ZC3H13: variants seen among roughly 807,000 people sequenced by gnomAD.
ZC3H13 encodes the protein zinc finger CCCH-type containing 13, also known as zinc finger CCCH domain-containing protein 13.
In ZC3H13, 64 loss-of-function variants were observed where a neutral mutation model predicts 204.1. The observed-to-expected ratio is 0.31, with a 90% CI of 0.26 to 0.39. The LOEUF is 0.39. ZC3H13 is among the 10% of genes least tolerant of loss of function. ZC3H13 has a pLI of 1.00. For synonymous variants in ZC3H13, 667 were observed against 693.7 expected, an observed-to-expected ratio of 0.96 and a Z score of 0.60; for missense variants, 1,833 against 2,082.7, an observed-to-expected ratio of 0.88 and a Z score of 2.33.
At chr13:45,973,611 CCATGTCAGTGTTTAAAAAA>C (rs1198814367) in intron 12 of ZC3H13, among the ~76,000 whole-genome samples, 1 of 152,046 alleles carries the variant, frequency 6.6e-6, no homozygotes, top group Non-Finnish European at 1.5e-5. Context: ...CCTCTGAGTG[CCATGTCAGTGTTTAAAAAA>C]CATTAGATTT....
rs1384738699 is a variant in ZC3H13, at chr13:45,970,424, G to A, written c.2510C>T (p.Ser837Phe). The A allele has an allele frequency of 6.2e-7, 1 of 1,613,956 alleles. No homozygotes were observed. The highest frequency in any genetic ancestry group is 2.2e-5 in the East Asian group (1 of 44,868). The change falls in exon 13 of 19, where the codon TCC becomes TTC. Residue 837 changes from serine (S) to phenylalanine (F), a missense_variant. Physicochemically the swap from Ser to Phe is radical, Grantham distance 155. Transcript: ENST00000679008. ...RNEGSPSPRQ[S>F]PKRRREHSPD... Reference sequence around the variant, plus strand: ...AGAATGTTCACGCCGGCGCTTCGGGGACTGTCTAGGGCTGGGACTCCCTTC... The same window carrying A: ...AGAATGTTCACGCCGGCGCTTCGGGAACTGTCTAGGGCTGGGACTCCCTTC...
intron 10 of ZC3H13, among the ~76,000 whole-genome samples, chr13:45,984,299 A>C (rs1953976829): frequency 6.6e-6 from 1 of 152,204 alleles, no homozygotes; most frequent in Non-Finnish European, 1.5e-5. Context: ...CTGGCAAAAG[A>C]GTGGTCAGGG....
intron 1 of ZC3H13, among the ~76,000 whole-genome samples, chr13:46,046,924 C>T (rs1017848671): frequency 6.6e-6 from 1 of 152,156 alleles, no homozygotes; most frequent in Non-Finnish European, 1.5e-5. Flanking sequence ...AAACACCATA[C>T]TATATCCCGC....
chr13:45,969,288 T>C lies in ZC3H13; in HGVS notation c.3256A>G (p.Thr1086Ala), dbSNP rs112871063. 1 of 1,613,798 alleles carries C rather than the reference T, an allele frequency of 6.2e-7. No homozygotes were observed. Among genetic ancestry groups the C allele is most frequent in the Non-Finnish European group, 8.5e-7 (1 of 1,179,980 alleles). The change falls in exon 14 of 19, where the codon ACC becomes GCC. Residue 1086 changes from threonine (T) to alanine (A), a missense_variant. By Grantham distance (58) the Thr-to-Ala change is moderately conservative. Coordinates refer to ENST00000679008, the MANE Select transcript of ZC3H13 (RefSeq NM_001330564.2). ...TEVTEAEHTA[T>A]ATTPGSTPSP... ...GGGGTACTACCAGGAGTCGTGGCGG[T>C]GGCAGTATGCTCTGCTTCTGTCACC... is the stretch of plus-strand genomic sequence containing the variant.
At position 46,020,419 on chromosome 13, in the gene ZC3H13, C is replaced by A. The variant is rs759457461; in HGVS notation, c.448+30G>T. On this transcript the variant is annotated intron_variant, in intron 5 of 18. Transcript: ENST00000679008. ...TCTAGAAAGTAAATAATCAAGAATTCGCCATTTAAACCAAGATTCTGAAAC... is the reference window on the plus strand; with the variant it reads ...TCTAGAAAGTAAATAATCAAGAATTAGCCATTTAAACCAAGATTCTGAAAC... 6 of 1,533,882 alleles carry A rather than the reference C, an allele frequency of 3.9e-6. No individual in the cohort carries two copies. The Admixed American group carries it at 8.7e-5, about 22-fold the overall frequency.
At chr13:46,028,796 A>G (rs1260689759) in intron 4 of ZC3H13, among the ~76,000 whole-genome samples, 1 of 152,214 alleles carries the variant, frequency 6.6e-6, no homozygotes, top group Non-Finnish European at 1.5e-5. Flanking sequence ...TGTTGGATGC[A>G]GTAAACACTG....
intron 8 of ZC3H13, chr13:46,001,376 G>A (rs2040730992): frequency 1.3e-5 from 2 of 152,084 alleles, no homozygotes; most frequent in Non-Finnish European, 2.9e-5. Flanking sequence ...CCAATGTCTT[G>A]TCACATATGG....
At chr13:45,975,146 C>A in intron 12 of ZC3H13, 137 bp downstream of exon 12, 1 of 1,378,586 alleles carries the variant, frequency 7.3e-7, no homozygotes, top group Non-Finnish European at 9.6e-7. Flanking sequence ...GATACATATA[C>A]TAAATTTGAA....
At chr13:45,973,046 C>A (rs1952715950) in intron 12 of ZC3H13, among the ~76,000 whole-genome samples, 1 of 152,214 alleles carries the variant, frequency 6.6e-6, no homozygotes, top group Admixed American at 6.5e-5. Context: ...ACAGAACAAC[C>A]ACTCTATTGA....
intron 3 of ZC3H13, among the ~76,000 whole-genome samples, chr13:46,044,094 G>A (rs1401025501): frequency 6.6e-6 from 1 of 151,070 alleles, no homozygotes; most frequent in Non-Finnish European, 1.5e-5. Context: ...AAAGAAGTTG[G>A]CTAATGTTGA....
intron 18 of ZC3H13, 149 bp downstream of exon 18, chr13:45,959,334 T>C (rs957534935): frequency 4.2e-6 from 3 of 715,970 alleles, no homozygotes; most frequent in East Asian, 6.4e-5. Flanking sequence ...ATTATACATT[T>C]TAATGGCATT....
chr13:46,052,451 C>T lies in ZC3H13; in HGVS notation c.-57G>A. ...AAGTGCAGTCCGGAGGCACCACCGC[C>T]GCCGCCGCTCCGAGGAGCGGGGGAG... On this transcript the variant is annotated 5_prime_UTR_variant, in exon 1 of 19. Transcript: ENST00000679008. 2.5e-6 allele frequency: 1 copy of T among 398,226 alleles called. No homozygotes were observed. The highest frequency in any genetic ancestry group is 4.4e-6 in the Non-Finnish European group (1 of 226,014). The allele number at this position is 398,226 out of a possible 1,614,324, so 24.7% of individuals were successfully genotyped here.
At chr13:45,988,151 CAA>C (rs1258034079) in intron 9 of ZC3H13, among the ~76,000 whole-genome samples, 1 of 152,106 alleles carries the variant, frequency 6.6e-6, no homozygotes, top group Non-Finnish European at 1.5e-5. Context: ...TCCTTGTTTT[CAA>C]AAGACATTAA....
intron 4 of ZC3H13, among the ~76,000 whole-genome samples, chr13:46,036,731 T>C (rs1295369585): frequency 6.6e-6 from 1 of 151,904 alleles, no homozygotes; most frequent in Non-Finnish European, 1.5e-5. Flanking sequence ...TCATTTTTGT[T>C]TTGTTTTGTT....
chr13:45,966,491 TA>T (rs1437333088), intron 15 of ZC3H13, among the ~76,000 whole-genome samples: 16 of 152,134 alleles, frequency 1.1e-4, no homozygotes. Flanking sequence ...CTACTTTGAG[TA>T]AAAACTTTAC....
chr13:46,039,586 C>G (rs1044413184), intron 4 of ZC3H13, among the ~76,000 whole-genome samples: 3 of 152,094 alleles, frequency 2.0e-5, no homozygotes, highest in Non-Finnish European at 4.4e-5. Context: ...ATACTAATAA[C>G]AATTCATCTA....
At chr13:46,001,473 A>T (rs1050186642) in intron 8 of ZC3H13, 1 of 152,218 alleles carries the variant, frequency 6.6e-6, no homozygotes, top group Admixed American at 6.5e-5. Context: ...TAGATGAAAA[A>T]ATAAAAAATA....
At chr13:46,002,984 A>G (rs2040859719) in intron 8 of ZC3H13, among the ~76,000 whole-genome samples, 155 bp downstream of exon 8, 1 of 152,192 alleles carries the variant, frequency 6.6e-6, no homozygotes, top group Non-Finnish European at 1.5e-5. Context: ...CATGACTCAT[A>G]ATAATAATTA....
In ZC3H13 at chr13:46,010,262, A is replaced by G. The variant is rs964047640; in HGVS notation, c.746+86T>C. 1.1e-5 allele frequency: 15 copies of G among 1,310,844 alleles called. No individual in the cohort carries two copies. The African/African-American group carries it at 2.1e-4, about 18-fold the overall frequency. The allele number at this position is 1,310,844 out of a possible 1,614,324, so 81.2% of individuals were successfully genotyped here. ...CTTACATTAAATATAAAATGTACTA[A>G]AAGTACCCTTTTATAACCTACTAAT... On this transcript the variant is annotated intron_variant, in intron 7 of 18. Coordinates refer to ENST00000679008, the MANE Select transcript of ZC3H13 (RefSeq NM_001330564.2).
Sources: gnomAD v4.1 joint callset for allele counts (sites outside exome capture counted in the v4.1 genomes callset) on GRCh38, gnomAD v4.1.1 for gene constraint, MANE v1.5 for transcripts, NCBI Gene and HGNC (gene_info 2026-07-23, HGNC 2026-07-21) for gene names.